Variants in LASP1 observed in about 807,000 individuals in gnomAD.
LASP1 encodes the protein LIM and SH3 domain protein 1.
Under a neutral mutation model 38.6 loss-of-function variants are expected in LASP1, and 10 were observed. That is an observed-to-expected ratio of 0.26 (90% CI 0.16 to 0.44). LASP1 has a LOEUF of 0.44. Among genes scored for constraint, LASP1 ranks in the 20% least tolerant of loss-of-function variants. The pLI is 1.00. For missense variants in LASP1, 243 were observed against 375.7 expected (o/e 0.65, Z 2.92); for synonymous variants, 132 against 140.8 (o/e 0.94, Z 0.44).
In LASP1 at chr17:38,918,112, C is replaced by G. The variant is rs1693637081; in HGVS notation, c.613-493C>G. Among the ~76,000 whole-genome samples, 1 of 147,960 alleles carries G rather than the reference C, an allele frequency of 6.8e-6. No homozygotes were observed. Among genetic ancestry groups the G allele is most frequent in the Non-Finnish European group, 1.5e-5 (1 of 67,396 alleles). ...CCAAGATCACACCATTGCACTCCAGCTTGGGTGACAAAGCAAGACTCCATC... is the reference window on the plus strand; with the variant it reads ...CCAAGATCACACCATTGCACTCCAGGTTGGGTGACAAAGCAAGACTCCATC... On this transcript the variant is annotated intron_variant, in intron 6 of 6. Coordinates refer to ENST00000318008, the MANE Select transcript of LASP1 (RefSeq NM_006148.4). This position sits in a 1 kb window ranked among gnomAD's most constrained non-coding sequence, Gnocchi z 4.4.
intron 4 of LASP1, among the ~76,000 whole-genome samples, chr17:38,913,543 T>C (rs1915016358): frequency 6.6e-6 from 1 of 152,132 alleles, no homozygotes; most frequent in African/African-American, 2.4e-5. Context: ...TTACATGGGG[T>C]CTGCAATCTA....
chr17:38,916,929 G>A (rs600158), intron 6 of LASP1: 33,540 of 152,018 alleles, frequency 0.22, 3,864 homozygotes, highest in Middle Eastern at 0.37. Context: ...GGAGTGAGCC[G>A]TGCAACGAGG....
Position 38,920,483 on chromosome 17 carries a change from C to T in LASP1, c.*1705C>T. 1 of 267,362 alleles carries T rather than the reference C, an allele frequency of 3.7e-6. No homozygotes were observed. The highest frequency in any genetic ancestry group is 7.3e-6 in the Non-Finnish European group (1 of 136,608). The allele number at this position is 267,362 out of a possible 1,614,324, so 16.6% of individuals were successfully genotyped here. On this transcript the variant is annotated 3_prime_UTR_variant, in exon 7 of 7. Transcript: ENST00000318008. ...GATTCATCTCTGGTTTTCTTGCCAC[C>T]CTCTGGGAGTCCCCATCCCATTTTC... is the stretch of plus-strand genomic sequence containing the variant.
chr17:38,875,056 C>CGTGTGTGTGTGTGTGTGTGTGTGTGT (rs3220064), intron 1 of LASP1, among the ~76,000 whole-genome samples: 71 of 140,456 alleles, frequency 5.1e-4, no homozygotes, highest in African/African-American at 1.8e-3. Flanking sequence ...TGTAGCCCTT[C>CGTGTGTGTGTGTGTGTGTGTGTGTGT]GTGTGTGTGT....
intron 1 of LASP1, among the ~76,000 whole-genome samples, chr17:38,877,171 C>G (rs1362680062): frequency 6.6e-6 from 1 of 152,252 alleles, no homozygotes; most frequent in Non-Finnish European, 1.5e-5. Context: ...GTGCCAAGTG[C>G]TGTGCTGAGG....
At chr17:38,876,703 C>T (rs542184595) in intron 1 of LASP1, among the ~76,000 whole-genome samples, 2 of 151,002 alleles carry the variant, frequency 1.3e-5, no homozygotes, top group African/African-American at 2.4e-5. Context: ...TTCCCTCCGT[C>T]GGCCACCCTG....
chr17:38,877,438 G>T lies in LASP1; in HGVS notation c.70-648G>T, dbSNP rs550996181. Among the ~76,000 whole-genome samples the T allele has an allele frequency of 3.3e-5, 5 of 152,310 alleles. No homozygotes were observed. In the South Asian group the frequency reaches 1.0e-3, roughly 32 times the overall value. On this transcript the variant is annotated intron_variant, in intron 1 of 6. Coordinates refer to ENST00000318008, the MANE Select transcript of LASP1 (RefSeq NM_006148.4). The stretch of plus-strand genomic sequence containing the variant: ...CCCTCCTCCTGGGGTGGGAGAGGAT[G>T]AGGGAAGGGTAGAAAGGATGTGTTG...
chr17:38,889,813 CCTT>C (rs1265154672), intron 2 of LASP1, among the ~76,000 whole-genome samples: 2 of 152,152 alleles, frequency 1.3e-5, no homozygotes, highest in African/African-American at 2.4e-5. Context: ...CAGGTGACCT[CCTT>C]TTTTGTCCTC....
chr17:38,898,548 C>A, intron 4 of LASP1, 29 bp downstream of exon 4: 1 of 1,467,558 alleles, frequency 6.8e-7, no homozygotes, highest in Non-Finnish European at 9.3e-7. Context: ...CTGCGGCATC[C>A]CTGCTGCCCT....
Position 38,918,033 on chromosome 17 carries a change from G to A in LASP1, c.613-572G>A, listed in dbSNP as rs1490032235. 6.6e-6 allele frequency among the ~76,000 whole-genome samples: 1 copy of A among 151,748 alleles called. No homozygotes were observed. Among genetic ancestry groups the A allele is most frequent in the East Asian group, 1.9e-4 (1 of 5,148 alleles). ...TACACGCTTATAGTCCCAGCTACTT[G>A]GGAGGCTGAGGCAGGAGAATCGCTT... On this transcript the variant is annotated intron_variant, in intron 6 of 6. Coordinates refer to ENST00000318008, the MANE Select transcript of LASP1 (RefSeq NM_006148.4). This position sits in a 1 kb window ranked among gnomAD's most constrained non-coding sequence, Gnocchi z 4.4.
intron 4 of LASP1, among the ~76,000 whole-genome samples, chr17:38,902,868 A>G (rs1914682723): frequency 6.6e-6 from 1 of 151,978 alleles, no homozygotes; most frequent in Non-Finnish European, 1.5e-5. Context: ...ACGCCTGGCT[A>G]ATTTTTGTAT....
chr17:38,894,187 G>T (rs548951858), intron 3 of LASP1, among the ~76,000 whole-genome samples: 1 of 152,262 alleles, frequency 6.6e-6, no homozygotes, highest in Admixed American at 6.5e-5. Flanking sequence ...CCCACCCCCA[G>T]GCTGAGCAGA....
chr17:38,921,430 C>A lies in LASP1; in HGVS notation c.*2652C>A, dbSNP rs1314168464. 1.3e-5 allele frequency: 3 copies of A among 232,544 alleles called. No homozygotes were observed. The highest frequency in any genetic ancestry group is 6.6e-5 in the African/African-American group (3 of 45,270). The allele number at this position is 232,544 out of a possible 1,614,324, so 14.4% of individuals were successfully genotyped here. ...TATTGCTTAATTTCTGCCTTTCCCC[C>A]CTCACACATGCACTTTTGGGCCTTT... On this transcript the variant is annotated 3_prime_UTR_variant, in exon 7 of 7. Transcript: ENST00000318008.
intron 2 of LASP1, among the ~76,000 whole-genome samples, chr17:38,880,678 T>A (rs1913921449): frequency 6.6e-6 from 1 of 152,194 alleles, no homozygotes; most frequent in Non-Finnish European, 1.5e-5. Context: ...CCCAAGGCAG[T>A]CATTCTCCCT....
chr17:38,870,341 C>A, intron 1 of LASP1, 83 bp downstream of exon 1: 1 of 1,454,646 alleles, frequency 6.9e-7, no homozygotes, highest in Non-Finnish European at 9.5e-7. Context: ...CGGGTCTTTG[C>A]CGCCTTATCC....
At chr17:38,902,795 C>T (rs1419671867) in intron 4 of LASP1, among the ~76,000 whole-genome samples, 12 of 151,974 alleles carry the variant, frequency 7.9e-5, no homozygotes, top group Admixed American at 3.3e-4. Context: ...CTCTGCCTCC[C>T]GGGTTGAAGC....
chr17:38,921,359 T>C lies in LASP1; in HGVS notation c.*2581T>C. 3 of 232,684 alleles carry C rather than the reference T, an allele frequency of 1.3e-5. No homozygotes were observed. The highest frequency in any genetic ancestry group is 2.2e-5 in the African/African-American group (1 of 45,446). The allele number at this position is 232,684 out of a possible 1,614,324, so 14.4% of individuals were successfully genotyped here. A position where few individuals can be genotyped will look rare whatever the true frequency, so the allele number is the denominator to read the frequency against. ...TGAGGAAAGTGCGTTCTCCCAGCAC[T>C]GCCTCCTGTTTTCTCCCTCTCATGT... On this transcript the variant is annotated 3_prime_UTR_variant, in exon 7 of 7. Coordinates refer to ENST00000318008, the MANE Select transcript of LASP1 (RefSeq NM_006148.4).
Position 38,886,301 on chromosome 17 carries a change from G to A in LASP1, c.165-4119G>A, listed in dbSNP as rs182262869. On this transcript the variant is annotated intron_variant, in intron 2 of 6. Transcript: ENST00000318008. ...CGCCAGGGCTGGGGGCTGGGGACTG[G>A]GGACTGTGGGCTGTGGGGAGGGGAC... 2.1e-3 allele frequency among the ~76,000 whole-genome samples: 320 copies of A among 151,656 alleles called. 1 individual carries two copies. The highest frequency in any genetic ancestry group is 7.6e-3 in the African/African-American group (311 of 41,058).
At chr17:38,872,174 G>A (rs1242140613) in intron 1 of LASP1, among the ~76,000 whole-genome samples, 1 of 152,174 alleles carries the variant, frequency 6.6e-6, no homozygotes, top group African/African-American at 2.4e-5. Context: ...TCTGTCAGAT[G>A]GGTATGATGA....
Sources: gnomAD v4.1 joint callset for allele counts (sites outside exome capture counted in the v4.1 genomes callset) on GRCh38, gnomAD v4.1.1 for gene constraint, Gnocchi (gnomAD v3.1) non-coding constraint, MANE v1.5 for transcripts, NCBI Gene and HGNC (gene_info 2026-07-23, HGNC 2026-07-21) for gene names.